Variants in PRC1 observed in about 807,000 individuals in gnomAD.
PRC1 encodes the protein protein regulator of cytokinesis 1.
In PRC1, 54 loss-of-function variants were observed where a neutral mutation model predicts 91.2. The ratio of observed to expected loss-of-function variants is 0.59; its 90% CI spans 0.48 to 0.74. The LOEUF (loss-of-function observed/expected upper bound fraction) is 0.74. Ranked by LOEUF, PRC1 falls within the 30% of genes least tolerant of loss-of-function variation. The pLI, the probability that PRC1 is intolerant of heterozygous loss-of-function variation, is 0.00. For synonymous variants in PRC1, 275 were observed against 263.6 expected (o/e 1.04, Z -0.42); for missense variants, 727 against 746.2 (o/e 0.97, Z 0.30).
chr15:90,970,593 A>G, intron 11 of PRC1, 79 bp from the exon 12 acceptor site: 1 of 1,024,504 alleles, frequency 9.8e-7, no homozygotes, highest in Non-Finnish European at 1.4e-6. Flanking sequence ...CCTACAGAGA[A>G]ATGACTATGG....
intron 14 of PRC1, 117 bp from the exon 15 acceptor site, chr15:90,967,319 C>G: frequency 2.5e-6 from 2 of 803,890 alleles, no homozygotes; most frequent in Non-Finnish European, 4.2e-6. Flanking sequence ...TCTGAGATCC[C>G]TAGCCTGCAA....
chr15:90,982,382 A>G (rs2039267227), intron 3 of PRC1, among the ~76,000 whole-genome samples: 1 of 152,134 alleles, frequency 6.6e-6, no homozygotes, highest in Admixed American at 6.5e-5. Flanking sequence ...CCCTTCTCCA[A>G]GCCTGGCAAC....
At chr15:90,990,911 TG>T (rs2039943462) in intron 1 of PRC1, among the ~76,000 whole-genome samples, 1 of 151,804 alleles carries the variant, frequency 6.6e-6, no homozygotes, top group Admixed American at 6.6e-5. Context: ...CCTGAGTAGC[TG>T]GGACTACAGG....
At chr15:90,968,090 TC>T (rs2037690736) in intron 14 of PRC1, 2 of 985,184 alleles carry the variant, frequency 2.0e-6, no homozygotes, top group South Asian at 9.4e-5. Flanking sequence ...CCTGGTGGAG[TC>T]TATCAGCCAT....
At chr15:90,968,221 C>T in intron 14 of PRC1, 1 of 985,410 alleles carries the variant, frequency 1.0e-6, no homozygotes, top group Non-Finnish European at 1.2e-6. Flanking sequence ...GGACCTCTGT[C>T]CAGCAATCAG....
In PRC1 at chr15:90,979,244, A is replaced by T; in HGVS notation, c.1021T>A (p.Leu341Ile). ...LQLHDAEIVR[L>I]KNYYEVHKEL... ...TTGTGAACTTCATAGTAGTTTTTTA[A>T]CCGCACAATCTCAGCATCGTGGAGC... Residue 341 changes from leucine to isoleucine, a missense_variant, in exon 8 of 15, where the codon TTA becomes ATA. By Grantham distance (5) the Leu-to-Ile change is conservative. Transcript: ENST00000394249. The T allele has an allele frequency of 1.2e-6, 2 of 1,614,226 alleles. No homozygotes were observed. The highest frequency in any genetic ancestry group is 4.5e-5 in the East Asian group (2 of 44,888).
At chr15:90,992,170 A>G (rs1466373118) in intron 1 of PRC1, among the ~76,000 whole-genome samples, 2 of 151,880 alleles carry the variant, frequency 1.3e-5, no homozygotes, top group Admixed American at 1.3e-4. Context: ...GCCTTTCCTG[A>G]CCCATCTCTT....
In PRC1 at chr15:90,994,371, C is replaced by T. The variant is rs1215597997; in HGVS notation, c.11+36G>A. ...CCCGCAGCCGAAACGAGCGTCGCTCCCTCCCGCGTCCCCTCGATTTCCCCG... is the reference window on the plus strand; with the variant it reads ...CCCGCAGCCGAAACGAGCGTCGCTCTCTCCCGCGTCCCCTCGATTTCCCCG... On this transcript the variant is annotated intron_variant, in intron 1 of 14. Transcript: ENST00000394249. 4 of 1,612,186 alleles carry T rather than the reference C, an allele frequency of 2.5e-6. No individual in the cohort carries two copies. The South Asian group carries it at 4.4e-5, about 18-fold the overall frequency.
intron 9 of PRC1, 129 bp downstream of exon 9, chr15:90,976,547 T>C: frequency 1.3e-6 from 1 of 759,650 alleles, no homozygotes; most frequent in Non-Finnish European, 2.2e-6. Context: ...ATACTAAATA[T>C]ATAACTTATT....
At position 90,974,761 on chromosome 15, in the gene PRC1, A is replaced by C. The variant is rs1271870423; in HGVS notation, c.1204-30T>G. On this transcript the variant is annotated intron_variant, in intron 9 of 14. Coordinates refer to ENST00000394249, the MANE Select transcript of PRC1 (RefSeq NM_003981.4). This position sits in a 1 kb window ranked among gnomAD's most constrained non-coding sequence, Gnocchi z 4.6. ...GACCAGAAACAAGGACATGTTAATT[A>C]CTTCAACTCTTTAGTGCAAAGCCCA... 1.2e-6 allele frequency: 2 copies of C among 1,613,178 alleles called. No homozygotes were observed. Among genetic ancestry groups the C allele is most frequent in the Admixed American group, 3.3e-5 (2 of 59,994 alleles).
At chr15:90,988,784 C>A (rs986490059) in intron 1 of PRC1, among the ~76,000 whole-genome samples, 1 of 152,054 alleles carries the variant, frequency 6.6e-6, no homozygotes, top group Non-Finnish European at 1.5e-5. Flanking sequence ...CTTCATTTTA[C>A]CACACCCTAA....
Position 90,969,472 on chromosome 15 carries a change from A to C in PRC1, c.1724T>G (p.Val575Gly). 6.2e-7 allele frequency: 1 copy of C among 1,608,642 alleles called. No individual in the cohort carries two copies. Among genetic ancestry groups the C allele is most frequent in the Non-Finnish European group, 8.5e-7 (1 of 1,177,070 alleles). The stretch of plus-strand genomic sequence containing the variant: ...CGCAAACTCAGAATAGGTGCTGGCA[A>C]CAGAATTAATGCTGAAGTTGCGCTG... ...PLQRNFSINSVASTYSEFAKD... is the reference protein window; with the variant it reads ...PLQRNFSINSGASTYSEFAKD... Residue 575 changes from valine (V) to glycine (G), a missense_variant, in exon 13 of 15, where the codon GTT becomes GGT. Coordinates refer to ENST00000394249, the MANE Select transcript of PRC1 (RefSeq NM_003981.4).
chr15:90,973,587 A>T (rs1044920446), intron 11 of PRC1, among the ~76,000 whole-genome samples: 2 of 152,064 alleles, frequency 1.3e-5, no homozygotes, highest in African/African-American at 4.8e-5. Flanking sequence ...TGGGAACGGA[A>T]TATCTCGGTG....
intron 11 of PRC1, among the ~76,000 whole-genome samples, chr15:90,970,937 TAC>T (rs1171336419): frequency 6.6e-6 from 1 of 152,202 alleles, no homozygotes; most frequent in Admixed American, 6.5e-5. Context: ...GGTAAATTCA[TAC>T]AGTGGAATGA....
intron 1 of PRC1, among the ~76,000 whole-genome samples, chr15:90,987,236 A>G (rs528811313): frequency 5.6e-4 from 85 of 152,204 alleles, no homozygotes; most frequent in Non-Finnish European, 1.1e-3. Context: ...AGCTATGATC[A>G]CTGCACTCCA....
At chr15:90,977,416 A>G (rs1406942782) in intron 8 of PRC1, 1 of 152,126 alleles carries the variant, frequency 6.6e-6, no homozygotes, top group Non-Finnish European at 1.5e-5. Context: ...CAGGCAGAAA[A>G]ATTTAGAAGA....
rs58694789 is a variant in PRC1, at chr15:90,982,476, C to T, written c.268-495G>A. ...GAATGTGTAAATTGGCAGCCAGGCA[C>T]GGTGGCTCACGCCTATAATCCCAGC... On this transcript the variant is annotated intron_variant, in intron 3 of 14. Coordinates refer to ENST00000394249, the MANE Select transcript of PRC1 (RefSeq NM_003981.4). The T allele has an allele frequency of 3.7e-3, 590 of 159,644 alleles. 8 individuals are homozygous for T. In the East Asian group the frequency reaches 0.037, roughly 10 times the overall value. The allele number at this position is 159,644 out of a possible 1,614,324, so 9.9% of individuals were successfully genotyped here.
At position 90,981,660 on chromosome 15, in the gene PRC1, G is replaced by T; in HGVS notation, c.511C>A (p.Arg171Ser). The change falls in exon 5 of 15, where the codon CGT becomes AGT. Residue 171 changes from arginine (R) to serine (S), a missense_variant. By Grantham distance (110) the Arg-to-Ser change is moderately radical. Coordinates refer to ENST00000394249, the MANE Select transcript of PRC1 (RefSeq NM_003981.4). ...TTLRETKASR[R>S]EEFVSIKRQI... ...CTCTTTATACTGACAAACTCCTCACGCCTAGAAGCCTTTAAAACAAAGCAA... is the reference window on the plus strand; with the variant it reads ...CTCTTTATACTGACAAACTCCTCACTCCTAGAAGCCTTTAAAACAAAGCAA... The T allele has an allele frequency of 6.2e-7, 1 of 1,613,300 alleles. No individual in the cohort carries two copies.
At position 90,967,128 on chromosome 15, in the gene PRC1, T is replaced by TTC; in HGVS notation, c.*1_*2dup. On this transcript the variant is annotated 3_prime_UTR_variant, in exon 15 of 15. Transcript: ENST00000394249. ...CCACAGCTGGTTGACTGATCAGGGC[T>TTC]TCTCAGGACTGGATGTTGGTTGAAT... 6.2e-7 allele frequency: 1 copy of TTC among 1,613,006 alleles called. No homozygotes were observed. Among genetic ancestry groups the TTC allele is most frequent in the Non-Finnish European group, 8.5e-7 (1 of 1,178,964 alleles).
Sources: gnomAD v4.1 joint callset for allele counts (sites outside exome capture counted in the v4.1 genomes callset) on GRCh38, gnomAD v4.1.1 for gene constraint, Gnocchi (gnomAD v3.1) non-coding constraint, MANE v1.5 for transcripts, NCBI Gene and HGNC (gene_info 2026-07-23, HGNC 2026-07-21) for gene names.